The following COL4A3 variants were observed in gnomAD, a reference collection of about 807,000 sequenced individuals.
The protein encoded by COL4A3 is collagen alpha-3(IV) chain.
Under a neutral mutation model 217.4 loss-of-function variants are expected in COL4A3, and 135 were observed. That is an observed-to-expected ratio of 0.62 (90% CI 0.54 to 0.72). COL4A3 has a LOEUF of 0.72. Ranked by LOEUF, COL4A3 falls within the 30% of genes least tolerant of loss-of-function variation. The pLI, the probability that COL4A3 is intolerant of heterozygous loss-of-function variation, is 0.00. For missense variants in COL4A3, 1,868 were observed against 2,119.9 expected (o/e 0.88, Z 2.33); for synonymous variants, 690 against 736.3 (o/e 0.94, Z 1.02).
intron 2 of COL4A3, among the ~76,000 whole-genome samples, chr2:227,238,827 T>C (rs2068849982): frequency 6.6e-6 from 1 of 152,368 alleles, no homozygotes; most frequent in African/African-American, 2.4e-5. Flanking sequence ...TTCTTGAATC[T>C]GTGAATGTAT....
At chr2:227,238,185 A>AG in intron 2 of COL4A3, 161 bp downstream of exon 2, 1 of 526,624 alleles carries the variant, frequency 1.9e-6, no homozygotes. Context: ...CTAAAAAAAA[A>AG]AAAAGAAAAA....
intron 9 of COL4A3, among the ~76,000 whole-genome samples, chr2:227,249,723 T>C (rs1052483018): frequency 2.0e-4 from 31 of 152,240 alleles, no homozygotes; most frequent in African/African-American, 7.5e-4. Context: ...TAGGAGCCAT[T>C]ATAGGCTTCT....
chr2:227,283,976 G>C, intron 33 of COL4A3, 120 bp downstream of exon 33: 1 of 1,048,630 alleles, frequency 9.5e-7, no homozygotes, highest in South Asian at 1.4e-5. Flanking sequence ...AACAGTATTT[G>C]ATTTTGCTGT....
At chr2:227,297,932 CTCA>C (rs1242991575) in intron 42 of COL4A3, 73 bp downstream of exon 42, 5 of 1,450,032 alleles carry the variant, frequency 3.4e-6, no homozygotes, top group Non-Finnish European at 4.7e-6. Flanking sequence ...CAACCTCCTC[CTCA>C]TGTTACCTTG....
chr2:227,292,188 C>A (rs1398735870), intron 37 of COL4A3, among the ~76,000 whole-genome samples: 1 of 152,062 alleles, frequency 6.6e-6, no homozygotes, highest in Non-Finnish European at 1.5e-5. Flanking sequence ...CAATAAAATA[C>A]CACCTTTCCT....
chr2:227,164,670 G>T lies in COL4A3; in HGVS notation c.-57G>T. On this transcript the variant is annotated 5_prime_UTR_variant, in exon 1 of 52. Transcript: ENST00000396578. This position sits in a 1 kb window ranked among gnomAD's most constrained non-coding sequence, Gnocchi z 4.8. ...AGAGCCGCGCTGCGCAGGAGACGCG[G>T]TGGCCTGAGAGCCTGAGGGTCCCCG... 6.5e-7 allele frequency: 1 copy of T among 1,528,300 alleles called. No individual in the cohort carries two copies. Among genetic ancestry groups the T allele is most frequent in the Non-Finnish European group, 8.7e-7 (1 of 1,143,712 alleles). 94.7% of individuals were successfully genotyped at this position (1,528,300 alleles called of 1,614,324 possible).
intron 43 of COL4A3, among the ~76,000 whole-genome samples, chr2:227,300,588 G>A (rs1426995685): frequency 1.3e-5 from 2 of 152,146 alleles, no homozygotes; most frequent in Admixed American, 6.5e-5. Flanking sequence ...ATGTTGAATA[G>A]ATGAATGTGA....
chr2:227,293,346 C>T, intron 38 of COL4A3, 29 bp downstream of exon 38: 2 of 1,613,174 alleles, frequency 1.2e-6, no homozygotes, highest in Non-Finnish European at 1.7e-6. Flanking sequence ...ATTCTAAAAG[C>T]TGGAAGCATT....
At position 227,279,877 on chromosome 2, in the gene COL4A3, T is replaced by A. The variant is rs760719817; in HGVS notation, c.2210T>A (p.Leu737His). The A allele has an allele frequency of 6.2e-7, 1 of 1,605,870 alleles. No homozygotes were observed. The highest frequency in any genetic ancestry group is 2.2e-5 in the East Asian group (1 of 44,774). The change falls in exon 29 of 52, where the codon CTC (leucine) becomes CAC (histidine). Residue 737 changes from leucine to histidine, a missense_variant. Leu to His is a moderately conservative substitution (Grantham distance 99). Coordinates refer to ENST00000396578, the MANE Select transcript of COL4A3 (RefSeq NM_000091.5). ...GEPGLPGKPG[L>H]PGAKGEPAVA... is the part of the protein sequence containing the mutation. ...CCTGGGTTACCTGGAAAGCCAGGCC[T>A]CCCAGGAGCCAAGGTATGCAAAAAT... is the stretch of plus-strand genomic sequence containing the variant.
At position 227,191,026 on chromosome 2, in the gene COL4A3, A is replaced by AT. The variant is rs1156924970; in HGVS notation, c.87+26219dup. Among the ~76,000 whole-genome samples, 1 of 152,188 alleles carries AT rather than the reference A, an allele frequency of 6.6e-6. No homozygotes were observed. The highest frequency in any genetic ancestry group is 1.5e-5 in the Non-Finnish European group (1 of 68,042). On this transcript the variant is annotated intron_variant, in intron 1 of 51. Coordinates refer to ENST00000396578, the MANE Select transcript of COL4A3 (RefSeq NM_000091.5). This position sits in a 1 kb window ranked among gnomAD's most constrained non-coding sequence, Gnocchi z 6.8. ...TTCTAGCACTTCTATTATGTATAGA[A>AT]TTTTTTAAAAAATAGATGCAAAGGT...
At chr2:227,202,425 G>C (rs976842154) in intron 1 of COL4A3, among the ~76,000 whole-genome samples, 3 of 152,036 alleles carry the variant, frequency 2.0e-5, no homozygotes, top group Non-Finnish European at 2.9e-5. Context: ...AACTGATAAT[G>C]CTGGTATGCG....
In COL4A3 at chr2:227,238,008, G is replaced by T; in HGVS notation, c.128G>T (p.Gly43Val). 1 of 1,606,764 alleles carries T rather than the reference G, an allele frequency of 6.2e-7. No individual in the cohort carries two copies. Among genetic ancestry groups the T allele is most frequent in the Non-Finnish European group, 8.5e-7 (1 of 1,173,556 alleles). Residue 43 changes from glycine (G) to valine (V), a missense_variant, in exon 2 of 52, where the codon GGG becomes GTG. Coordinates refer to ENST00000396578, the MANE Select transcript of COL4A3 (RefSeq NM_000091.5). ...CKDKGQCFCDGAKGEKGEKGF... is the reference protein window; with the variant it reads ...CKDKGQCFCDVAKGEKGEKGF... ...GACAAAGGCCAGTGCTTCTGTGACG[G>T]GGCCAAAGGGGAGAAGGTAAAAACA...
At position 227,250,147 on chromosome 2, in the gene COL4A3, T is replaced by C. The variant is rs2069642578; in HGVS notation, c.547-993T>C. On this transcript the variant is annotated intron_variant, in intron 9 of 51. Transcript: ENST00000396578. This position sits in a 1 kb window ranked among gnomAD's most constrained non-coding sequence, Gnocchi z 4.1. ...GGCCAACACGCTGAAACTCCATCTCTACTAAAGACACAAAAATTAGCCAGG... is the reference window on the plus strand; with the variant it reads ...GGCCAACACGCTGAAACTCCATCTCCACTAAAGACACAAAAATTAGCCAGG... Among the ~76,000 whole-genome samples the C allele has an allele frequency of 6.6e-6, 1 of 152,094 alleles. No homozygotes were observed. Among genetic ancestry groups the C allele is most frequent in the African/African-American group, 2.4e-5 (1 of 41,410 alleles).
Position 227,282,274 on chromosome 2 carries a change from A to AT in COL4A3, c.2489-91_2489-90insT, listed in dbSNP as rs1275114937. ...AAGACAGAGGGAGATTCCATCTTAA[A>AT]AATATATATATATATATATATATAT... On this transcript the variant is annotated intron_variant, in intron 31 of 51. Transcript: ENST00000396578. The surrounding 1 kb of genome is among the most constrained non-coding windows in gnomAD (Gnocchi z 4.4). 0.026 allele frequency: 11,171 copies of AT among 435,130 alleles called. 250 individuals are homozygous for AT. The highest frequency in any genetic ancestry group is 0.14 in the African/African-American group (3,379 of 24,876). The allele number at this position is 435,130 out of a possible 1,614,324, so 27.0% of individuals were successfully genotyped here.
chr2:227,276,031 T>C (rs1055384317), intron 26 of COL4A3, among the ~76,000 whole-genome samples: 7 of 152,218 alleles, frequency 4.6e-5, no homozygotes, highest in African/African-American at 1.2e-4. Flanking sequence ...TGATTTTCAA[T>C]GTGAAATAAA....
chr2:227,310,964 C>T lies in COL4A3; in HGVS notation c.4928+16C>T. 6.2e-7 allele frequency: 1 copy of T among 1,612,528 alleles called. No homozygotes were observed. The highest frequency in any genetic ancestry group is 8.5e-7 in the Non-Finnish European group (1 of 1,179,836). On this transcript the variant is annotated intron_variant, in intron 51 of 51. Coordinates refer to ENST00000396578, the MANE Select transcript of COL4A3 (RefSeq NM_000091.5). ...GAATGTTCAGGTAACTATTCACCAT[C>T]AAGCTTAATCTGATGACTCAATTGC...
chr2:227,276,466 A>G lies in COL4A3; in HGVS notation c.2009A>G (p.Gln670Arg). 1.2e-6 allele frequency: 2 copies of G among 1,613,614 alleles called. No homozygotes were observed. The highest frequency in any genetic ancestry group is 1.7e-6 in the Non-Finnish European group (2 of 1,179,560). ...GGGCCCCCTGGCCATCCTGGCCCCC[A>G]AGGTCCACCTGGTAAGTATCCTCTG... is the stretch of plus-strand genomic sequence containing the variant. ...PPGPPGHPGP[Q>R]GPPGIPGSLG... Residue 670 changes from glutamine to arginine, a missense_variant, in exon 27 of 52, where the codon CAA becomes CGA. By Grantham distance (43) the Gln-to-Arg change is conservative. Coordinates refer to ENST00000396578, the MANE Select transcript of COL4A3 (RefSeq NM_000091.5).
At chr2:227,309,131 T>G (rs2073637223) in intron 49 of COL4A3, 55 bp downstream of exon 49, 1 of 1,610,224 alleles carries the variant, frequency 6.2e-7, no homozygotes, top group African/African-American at 1.3e-5. Flanking sequence ...ACTTCCCTTG[T>G]AATGGAATGA....
chr2:227,269,194 G>A (rs914578843), intron 23 of COL4A3, among the ~76,000 whole-genome samples: 10 of 152,152 alleles, frequency 6.6e-5, no homozygotes, highest in African/African-American at 9.7e-5. Flanking sequence ...TTTGGCAAGA[G>A]ACATTCAAAA....
Sources: gnomAD v4.1 joint callset for allele counts (sites outside exome capture counted in the v4.1 genomes callset) on GRCh38, gnomAD v4.1.1 for gene constraint, Gnocchi (gnomAD v3.1) non-coding constraint, MANE v1.5 for transcripts, NCBI Gene and HGNC (gene_info 2026-07-23, HGNC 2026-07-21) for gene names.